The following ELOVL3 variants were observed in gnomAD, a reference collection of about 807,000 sequenced individuals.
ELOVL3 encodes the protein very long chain fatty acid elongase 3.
A neutral mutation model predicts 14.9 loss-of-function variants in ELOVL3; 11 were observed. That is an observed-to-expected ratio of 0.74 (90% confidence interval 0.46 to 1.22). The LOEUF is 1.22. Ranked by LOEUF, ELOVL3 falls within the 50% of genes most tolerant of loss-of-function variation. ELOVL3 has a pLI of 0.00. For synonymous variants in ELOVL3, 117 were observed against 124.7 expected (o/e 0.94, Z 0.41); for missense variants, 277 against 338.9 (o/e 0.82, Z 1.43).
In ELOVL3 at chr10:102,226,565, A is replaced by G. The variant is rs750543848; in HGVS notation, c.17A>G (p.Asn6Ser). Residue 6 changes from asparagine to serine, a missense_variant, in exon 1 of 4, where the codon AAT becomes AGT. Physicochemically the swap from Asn to Ser is conservative, Grantham distance 46. Transcript: ENST00000370005. ...CAAAACTAGATGGTCACAGCCATGA[A>G]TGTCTCACATGAAGTAAATCAGCTG... MVTAM[N>S]VSHEVNQLFQ... 7 of 1,613,780 alleles carry G rather than the reference A, an allele frequency of 4.3e-6. No homozygotes were observed. The East Asian group carries it at 1.3e-4, about 31-fold the overall frequency.
upstream of ELOVL3, among the ~76,000 whole-genome samples, chr10:102,226,156 G>A (rs1303746965): frequency 1.3e-5 from 2 of 152,248 alleles, no homozygotes; most frequent in Non-Finnish European, 1.5e-5. Flanking sequence ...GAAGTGGGCG[G>A]GCGATGGCCT....
chr10:102,226,407 G>T lies in ELOVL3; in HGVS notation c.-142G>T. 1.6e-6 allele frequency: 1 copy of T among 607,454 alleles called. No individual in the cohort carries two copies. 37.6% of individuals were successfully genotyped at this position (607,454 alleles called of 1,614,324 possible). Reference sequence around the variant, plus strand: ...GCTGCGCCGCCGCGCACATGCCTAGGTTCGACGCCCTCCTCCCTTTGCCCA... The same window carrying T: ...GCTGCGCCGCCGCGCACATGCCTAGTTTCGACGCCCTCCTCCCTTTGCCCA... On this transcript the variant is annotated 5_prime_UTR_variant, in exon 1 of 4. Coordinates refer to ENST00000370005, the MANE Select transcript of ELOVL3 (RefSeq NM_152310.3).
At chr10:102,228,350 CG>C in intron 2 of ELOVL3, 66 bp from the exon 3 acceptor site, 1 of 1,557,382 alleles carries the variant, frequency 6.4e-7, no homozygotes, top group Non-Finnish European at 8.7e-7. Flanking sequence ...CTGGCCAAGC[CG>C]GGGGAAGGGT....
intron 1 of ELOVL3, among the ~76,000 whole-genome samples, chr10:102,226,979 C>T: frequency 6.6e-6 from 1 of 151,750 alleles, no homozygotes; most frequent in East Asian, 1.9e-4. Flanking sequence ...GCTGTGTGTG[C>T]GCGCGTGTGT....
intron 2 of ELOVL3, 122 bp from the exon 3 acceptor site, chr10:102,228,295 C>A: frequency 2.0e-6 from 2 of 1,015,940 alleles, no homozygotes; most frequent in Non-Finnish European, 2.9e-6. Context: ...TTGACCCACC[C>A]CCTGTGGACA....
intron 1 of ELOVL3, 97 bp downstream of exon 1, chr10:102,226,746 G>A: frequency 1.2e-6 from 1 of 826,300 alleles, no homozygotes; most frequent in Non-Finnish European, 2.0e-6. Context: ...TTACAGAGCA[G>A]AGTTATGGGA....
chr10:102,226,754 G>A, intron 1 of ELOVL3, 105 bp downstream of exon 1: 1 of 779,742 alleles, frequency 1.3e-6, no homozygotes, highest in East Asian at 2.5e-5. Flanking sequence ...CAGAGTTATG[G>A]GACTCCCTTG....
In ELOVL3 at chr10:102,229,360, C is replaced by A; in HGVS notation, c.*108C>A. The A allele has an allele frequency of 8.9e-7, 1 of 1,123,048 alleles. No individual in the cohort carries two copies. The highest frequency in any genetic ancestry group is 1.2e-6 in the Non-Finnish European group (1 of 805,964). 69.6% of individuals were successfully genotyped at this position (1,123,048 alleles called of 1,614,324 possible). A position where few individuals can be genotyped will look rare whatever the true frequency, so the allele number is the denominator to read the frequency against. On this transcript the variant is annotated 3_prime_UTR_variant, in exon 4 of 4. Transcript: ENST00000370005. ...AGGTTGCCTTACCTGCATGGTTTCCCCAGAGGATGTGTGCCCCAAGGTGGC... is the reference window on the plus strand; with the variant it reads ...AGGTTGCCTTACCTGCATGGTTTCCACAGAGGATGTGTGCCCCAAGGTGGC...
intron 1 of ELOVL3, 139 bp downstream of exon 1, chr10:102,226,788 C>T (rs571192027): frequency 3.3e-6 from 2 of 615,148 alleles, no homozygotes; most frequent in East Asian, 5.7e-5. Flanking sequence ...CTACCTTTGT[C>T]CGAGGTGCAG....
chr10:102,224,882 C>T (rs186408055), upstream of ELOVL3, among the ~76,000 whole-genome samples: 154 of 152,100 alleles, frequency 1.0e-3, no homozygotes, highest in African/African-American at 3.7e-3. Context: ...CCAGGATGGT[C>T]TCGATCTCCT....
Position 102,226,307 on chromosome 10 carries a change from G to T in ELOVL3, c.-242G>T. On this transcript the variant is annotated 5_prime_UTR_variant, in exon 1 of 4. Transcript: ENST00000370005. ...TTGGATAGCGGCGGGGCGCAGGAAAGAGGTCGCGCCAGCCCGGGCAGGCAG... is the reference window on the plus strand; with the variant it reads ...TTGGATAGCGGCGGGGCGCAGGAAATAGGTCGCGCCAGCCCGGGCAGGCAG... 4.1e-6 allele frequency: 2 copies of T among 489,028 alleles called. No homozygotes were observed. Among genetic ancestry groups the T allele is most frequent in the Admixed American group, 3.7e-5 (1 of 26,844 alleles). The allele number at this position is 489,028 out of a possible 1,614,324, so 30.3% of individuals were successfully genotyped here.
chr10:102,229,174 C>T lies in ELOVL3; in HGVS notation c.735C>T (p.Thr245=). The T allele has an allele frequency of 3.1e-6, 5 of 1,614,030 alleles. No homozygotes were observed. The highest frequency in any genetic ancestry group is 4.2e-6 in the Non-Finnish European group (5 of 1,180,020). ...HLFWSFILYM[T]YFILFAHFFC... is the part of the protein sequence containing the mutation. ...TCTGGTCCTTCATCTTGTATATGAC[C>T]TATTTCATCCTCTTTGCCCACTTCT... Residue 245 remains threonine, a synonymous_variant, in exon 4 of 4, where the codon ACC becomes ACT. Coordinates refer to ENST00000370005, the MANE Select transcript of ELOVL3 (RefSeq NM_152310.3).
intron 1 of ELOVL3, 117 bp from the exon 2 acceptor site, chr10:102,227,509 A>G: frequency 8.5e-7 from 1 of 1,181,890 alleles, no homozygotes; most frequent in Non-Finnish European, 1.2e-6. Context: ...AATGTCACAT[A>G]GCTAGTAAGT....
rs2070178761 is a variant in ELOVL3, at chr10:102,229,382, T to C, written c.*130T>C. ...TCCCCAGAGGATGTGTGCCCCAAGGTGGCTGGAATTTTTGACAGACAAGAA... is the reference window on the plus strand; with the variant it reads ...TCCCCAGAGGATGTGTGCCCCAAGGCGGCTGGAATTTTTGACAGACAAGAA... On this transcript the variant is annotated 3_prime_UTR_variant, in exon 4 of 4. Coordinates refer to ENST00000370005, the MANE Select transcript of ELOVL3 (RefSeq NM_152310.3). The C allele has an allele frequency of 5.6e-6, 5 of 893,462 alleles. No individual in the cohort carries two copies. The highest frequency in any genetic ancestry group is 8.3e-6 in the Non-Finnish European group (5 of 603,684). The allele number at this position is 893,462 out of a possible 1,614,324, so 55.3% of individuals were successfully genotyped here.
At chr10:102,225,448 C>T (rs1196975846), upstream of ELOVL3, among the ~76,000 whole-genome samples, 1 of 152,142 alleles carries the variant, frequency 6.6e-6, no homozygotes, top group Non-Finnish European at 1.5e-5. Flanking sequence ...CTCAAACTGC[C>T]CTCAAGCCTT....
chr10:102,227,695 A>G lies in ELOVL3; in HGVS notation c.171A>G (p.Glu57=). Residue 57 remains glutamate (E), a synonymous_variant, in exon 2 of 4, where the codon GAA becomes GAG. Transcript: ENST00000370005. ...CTGTGGGGCAGAACTACATGAAGGA[A>G]CGCAAGGGCTTCAACCTGCAAGGGC... is the stretch of plus-strand genomic sequence containing the variant. ...LIAVGQNYMK[E]RKGFNLQGPL... The G allele has an allele frequency of 6.2e-7, 1 of 1,613,634 alleles. No individual in the cohort carries two copies. The highest frequency in any genetic ancestry group is 8.5e-7 in the Non-Finnish European group (1 of 1,179,862).
chr10:102,229,069 G>T lies in ELOVL3; in HGVS notation c.630G>T (p.Met210Ile). ...TCACCAGCCTGCAGATCTTGCAGAT[G>T]TTTGTAGGAGCCATCGTCAGCATCC... ...MLITSLQILQ[M>I]FVGAIVSILT... is the part of the protein sequence containing the mutation. The change falls in exon 4 of 4, where the codon ATG becomes ATT. Residue 210 changes from methionine to isoleucine, a missense_variant. Transcript: ENST00000370005. 2 of 1,614,224 alleles carry T rather than the reference G, an allele frequency of 1.2e-6. No individual in the cohort carries two copies. The highest frequency in any genetic ancestry group is 4.5e-5 in the East Asian group (2 of 44,886).
chr10:102,229,004 G>T lies in ELOVL3; in HGVS notation c.565G>T (p.Ala189Ser), dbSNP rs773674237. The T allele has an allele frequency of 1.2e-6, 2 of 1,614,126 alleles. No homozygotes were observed. The highest frequency in any genetic ancestry group is 8.5e-7 in the Non-Finnish European group (1 of 1,180,032). Residue 189 changes from alanine (A) to serine (S), a missense_variant, in exon 4 of 4, where the codon GCT becomes TCT. Physicochemically the swap from Ala to Ser is moderately conservative, Grantham distance 99. Transcript: ENST00000370005. ...CATGTACACCTACTACACTCTGAAG[G>T]CTGCCAACGTGAAGCCCCCCAAGAT... Reference protein sequence around the residue: ...AIMYTYYTLKAANVKPPKMLP... With the variant: ...AIMYTYYTLKSANVKPPKMLP...
Position 102,229,058 on chromosome 10 carries a change from A to G in ELOVL3, c.619A>G (p.Ile207Val), listed in dbSNP as rs1472644764. 6.2e-7 allele frequency: 1 copy of G among 1,614,170 alleles called. No individual in the cohort carries two copies. Among genetic ancestry groups the G allele is most frequent in the African/African-American group, 1.3e-5 (1 of 75,050 alleles). ...MLPMLITSLQ[I>V]LQMFVGAIVS... ...GCCCATGCTCATCACCAGCCTGCAG[A>G]TCTTGCAGATGTTTGTAGGAGCCAT... is the stretch of plus-strand genomic sequence containing the variant. The change falls in exon 4 of 4, where the codon ATC becomes GTC. Residue 207 changes from isoleucine (I) to valine (V), a missense_variant. Transcript: ENST00000370005.
Sources: gnomAD v4.1 joint callset for allele counts (sites outside exome capture counted in the v4.1 genomes callset) on GRCh38, gnomAD v4.1.1 for gene constraint, MANE v1.5 for transcripts, NCBI Gene and HGNC (gene_info 2026-07-23, HGNC 2026-07-21) for gene names.